The following DEPTOR variants were observed in gnomAD, a reference collection of about 807,000 sequenced individuals.
The protein encoded by DEPTOR is DEP domain containing MTOR interacting protein, also known as DEP domain-containing mTOR-interacting protein.
DEPTOR carries 41 observed loss-of-function variants against 41.6 expected under a neutral mutation model. The observed-to-expected ratio is 0.98, with a 90% CI of 0.77 to 1.28. The LOEUF is 1.28. DEPTOR is among the 50% of genes most tolerant of loss of function. The pLI is 0.00. For missense variants in DEPTOR, 514 were observed against 527.9 expected (o/e 0.97, Z 0.26); for synonymous variants, 195 against 192.3 (o/e 1.01, Z -0.12).
At chr8:120,035,427 T>C (rs1033223521) in intron 8 of DEPTOR, among the ~76,000 whole-genome samples, 1 of 152,190 alleles carries the variant, frequency 6.6e-6, no homozygotes, top group East Asian at 1.9e-4. Context: ...ACTTCCTATA[T>C]CCACAGTAAA....
rs1828666878 is a variant in DEPTOR at position 119,974,114 on chromosome 8, A to G, written c.604+8704A>G. Among the ~76,000 whole-genome samples, 3 of 152,054 alleles carry G rather than the reference A, an allele frequency of 2.0e-5. No homozygotes were observed. The South Asian group carries it at 6.2e-4, about 32-fold the overall frequency. On this transcript the variant is annotated intron_variant, in intron 4 of 8. Transcript: ENST00000286234. ...GAGAGGGAAGGAAGGAAAAGAAGGT[A>G]CTAACTGGGTGTGGTGGCTCATGCC...
chr8:119,893,650 G>GA (rs1827478165), intron 1 of DEPTOR, among the ~76,000 whole-genome samples: 1 of 152,136 alleles, frequency 6.6e-6, no homozygotes, highest in Non-Finnish European at 1.5e-5. Context: ...CCAACATGGT[G>GA]AAACCCTGTC....
intron 1 of DEPTOR, among the ~76,000 whole-genome samples, chr8:119,886,974 T>C (rs541617114): frequency 2.2e-4 from 33 of 152,272 alleles, no homozygotes; most frequent in South Asian, 4.1e-4. Context: ...AGGCTTTTAT[T>C]CTTGAGCAGC....
intron 8 of DEPTOR, among the ~76,000 whole-genome samples, chr8:120,044,194 G>C (rs1274962239): frequency 6.6e-6 from 1 of 150,934 alleles, no homozygotes; most frequent in African/African-American, 2.4e-5. Flanking sequence ...TGGGGGTTTT[G>C]CTCTTGTTGC....
chr8:119,971,165 G>A (rs908540633), intron 4 of DEPTOR, among the ~76,000 whole-genome samples: 10 of 151,630 alleles, frequency 6.6e-5, no homozygotes, highest in African/African-American at 1.5e-4. Flanking sequence ...CCTGGGAAGC[G>A]GAGCTTGTAG....
chr8:119,982,328 T>C (rs1828779347), intron 4 of DEPTOR, among the ~76,000 whole-genome samples: 1 of 152,132 alleles, frequency 6.6e-6, no homozygotes, highest in African/African-American at 2.4e-5. Context: ...ACAGCTTGAC[T>C]TCCTGTCTAA....
At chr8:119,988,958 CTTTTTTTTTTTTT>C (rs71571643) in intron 4 of DEPTOR, among the ~76,000 whole-genome samples, 1 of 93,976 alleles carries the variant, frequency 1.1e-5, no homozygotes, top group Non-Finnish European at 1.9e-5. Context: ...TTTTTTTTTT[CTTTTTTTTTTTTT>C]TTTTTTTTTA....
intron 3 of DEPTOR, among the ~76,000 whole-genome samples, chr8:119,960,521 A>G (rs1305468584): frequency 6.6e-6 from 1 of 151,986 alleles, no homozygotes; most frequent in Non-Finnish European, 1.5e-5. Context: ...AGGAATCTCC[A>G]TTTTCATCAG....
chr8:119,912,559 G>A (rs1014352720), intron 1 of DEPTOR, among the ~76,000 whole-genome samples: 4 of 152,238 alleles, frequency 2.6e-5, no homozygotes, highest in Non-Finnish European at 4.4e-5. Flanking sequence ...TTTAAATCCA[G>A]AGAAACCTTG....
intron 1 of DEPTOR, among the ~76,000 whole-genome samples, chr8:119,909,110 G>C (rs79929335): frequency 2.0e-5 from 3 of 152,324 alleles, no homozygotes; most frequent in Admixed American, 6.5e-5. Context: ...AGGATGGAAA[G>C]ATATTGGAGA....
intron 4 of DEPTOR, among the ~76,000 whole-genome samples, chr8:119,976,388 T>G (rs1486703251): frequency 6.6e-6 from 1 of 151,966 alleles, no homozygotes; most frequent in African/African-American, 2.4e-5. Context: ...AAAAATACGA[T>G]ATATATATAT....
chr8:119,994,949 A>G (rs1180919716), intron 4 of DEPTOR, among the ~76,000 whole-genome samples: 1 of 151,806 alleles, frequency 6.6e-6, no homozygotes, highest in Non-Finnish European at 1.5e-5. Flanking sequence ...AAAAAGAAAA[A>G]AAAAAGAAGA....
intron 2 of DEPTOR, among the ~76,000 whole-genome samples, chr8:119,929,587 T>C (rs930241191): frequency 2.0e-5 from 3 of 152,114 alleles, no homozygotes; most frequent in Non-Finnish European, 4.4e-5. Context: ...ATGATGATGA[T>C]GACTATGGTG....
intron 4 of DEPTOR, among the ~76,000 whole-genome samples, chr8:119,983,627 G>A (rs144375737): frequency 0.015 from 2,223 of 152,188 alleles, 54 homozygotes; most frequent in African/African-American, 0.051. Flanking sequence ...CAAGTAATCC[G>A]CTTGCCTTGG....
chr8:120,012,400 T>C (rs964346913), intron 8 of DEPTOR, among the ~76,000 whole-genome samples: 1 of 152,194 alleles, frequency 6.6e-6, no homozygotes, highest in African/African-American at 2.4e-5. Flanking sequence ...CTGTACTGAA[T>C]ACTGTAGGCA....
chr8:119,970,171 T>C (rs1175250320), intron 4 of DEPTOR, among the ~76,000 whole-genome samples: 1 of 152,232 alleles, frequency 6.6e-6, no homozygotes, highest in Non-Finnish European at 1.5e-5. Context: ...ACCACATCTA[T>C]ACATATTTGT....
chr8:119,926,664 G>A (rs1448915414), intron 1 of DEPTOR, among the ~76,000 whole-genome samples: 1 of 152,100 alleles, frequency 6.6e-6, no homozygotes, highest in Non-Finnish European at 1.5e-5. Context: ...ACCATCTTAT[G>A]AGAATGTTTT....
At chr8:119,960,982 AAAAGAAAG>A (rs149572586) in intron 3 of DEPTOR, among the ~76,000 whole-genome samples, 107 of 151,844 alleles carry the variant, frequency 7.0e-4, no homozygotes, top group Non-Finnish European at 1.2e-3. Context: ...TCCATCTCAA[AAAAGAAAG>A]AAAGAAAGAA....
chr8:120,007,567 T>G (rs1307559368), intron 7 of DEPTOR, among the ~76,000 whole-genome samples: 1 of 152,174 alleles, frequency 6.6e-6, no homozygotes, highest in Non-Finnish European at 1.5e-5. Flanking sequence ...TTCCTGTGTC[T>G]CCTTCTGTCA....
Sources: gnomAD v4.1 joint callset for allele counts (sites outside exome capture counted in the v4.1 genomes callset) on GRCh38, gnomAD v4.1.1 for gene constraint, MANE v1.5 for transcripts, NCBI Gene and HGNC (gene_info 2026-07-23, HGNC 2026-07-21) for gene names.